The following HMGA2 variants were observed in gnomAD, a reference collection of about 807,000 sequenced individuals.
HMGA2 encodes the protein high mobility group AT-hook 2.
HMGA2 carries 8 observed loss-of-function variants against 19.1 expected under a neutral mutation model. That is an observed-to-expected ratio of 0.42 (90% confidence interval 0.25 to 0.76). HMGA2 has a LOEUF of 0.76. HMGA2 is among the 30% of genes least tolerant of loss of function. The pLI is 0.28. For missense variants in HMGA2, 109 were observed against 136.3 expected (o/e 0.80, Z 1.00); for synonymous variants, 60 against 48.8 (o/e 1.23, Z -0.96).
chr12:65,838,708 G>T, intron 3 of HMGA2, 139 bp downstream of exon 3: 1 of 684,318 alleles, frequency 1.5e-6, no homozygotes. Context: ...TAAGTCAAGA[G>T]ACAAATTATC....
At chr12:65,922,596 G>A (rs914419433) in intron 3 of HMGA2, among the ~76,000 whole-genome samples, 11 of 152,078 alleles carry the variant, frequency 7.2e-5, no homozygotes, top group African/African-American at 2.7e-4. Flanking sequence ...ATTAGACTTT[G>A]GACTGTGAAT....
chr12:65,913,206 T>C (rs1874920020), intron 3 of HMGA2, among the ~76,000 whole-genome samples: 2 of 152,198 alleles, frequency 1.3e-5, no homozygotes, highest in South Asian at 4.2e-4. Flanking sequence ...GTGCTATTTT[T>C]TCCTTCTGCC....
chr12:65,894,569 C>G (rs753488383), intron 3 of HMGA2, among the ~76,000 whole-genome samples: 15 of 152,076 alleles, frequency 9.9e-5, no homozygotes, highest in Middle Eastern at 3.2e-3. Flanking sequence ...AATAATAAAG[C>G]TTTTTCAGTC....
chr12:65,927,088 C>G (rs142931890), intron 3 of HMGA2, among the ~76,000 whole-genome samples: 1 of 152,150 alleles, frequency 6.6e-6, no homozygotes, highest in Non-Finnish European at 1.5e-5. Context: ...TTTCAACACA[C>G]GGGAGTTTTA....
At chr12:65,917,426 CTGGT>C (rs1875144148) in intron 3 of HMGA2, among the ~76,000 whole-genome samples, 1 of 152,176 alleles carries the variant, frequency 6.6e-6, no homozygotes, top group Non-Finnish European at 1.5e-5. Flanking sequence ...TAATCTGGAT[CTGGT>C]CTGGATTGTT....
chr12:65,915,728 T>C (rs1182808190), intron 3 of HMGA2, among the ~76,000 whole-genome samples: 1 of 152,192 alleles, frequency 6.6e-6, no homozygotes, highest in Non-Finnish European at 1.5e-5. Flanking sequence ...TGACTTACAT[T>C]TTTTTGTTTT....
intron 3 of HMGA2, among the ~76,000 whole-genome samples, chr12:65,887,989 T>C (rs2121125583): frequency 6.6e-6 from 1 of 152,202 alleles, no homozygotes; most frequent in South Asian, 2.1e-4. Context: ...CATTAAGTTT[T>C]CTATTAGAAT....
intron 3 of HMGA2, among the ~76,000 whole-genome samples, chr12:65,888,470 G>T (rs890079064): frequency 7.4e-6 from 1 of 135,930 alleles, no homozygotes; most frequent in African/African-American, 2.7e-5. Flanking sequence ...AAAAAAGAAA[G>T]AAAAGAAAAG....
At chr12:65,945,252 A>G (rs1370272754) in intron 3 of HMGA2, among the ~76,000 whole-genome samples, 2 of 151,948 alleles carry the variant, frequency 1.3e-5, no homozygotes, top group Non-Finnish European at 2.9e-5. Context: ...AAAAAAAATG[A>G]TTCAAAGCCT....
intron 3 of HMGA2, among the ~76,000 whole-genome samples, chr12:65,851,029 A>G (rs576609809): frequency 6.6e-6 from 1 of 152,260 alleles, no homozygotes; most frequent in African/African-American, 2.4e-5. Flanking sequence ...ATATCTTCCT[A>G]CTTGGGGTAC....
chr12:65,943,179 C>A (rs1876148110), intron 3 of HMGA2, among the ~76,000 whole-genome samples: 3 of 152,128 alleles, frequency 2.0e-5, no homozygotes, highest in Admixed American at 6.5e-5. Context: ...TTTTCTACAC[C>A]CAGTTCCTGC....
chr12:65,852,797 G>A (rs922646666), intron 3 of HMGA2, among the ~76,000 whole-genome samples: 1 of 152,168 alleles, frequency 6.6e-6, no homozygotes, highest in Non-Finnish European at 1.5e-5. Flanking sequence ...GTTGGGTGAG[G>A]TTAAGAGAGT....
At chr12:65,867,685 C>T (rs1488274175) in intron 3 of HMGA2, 1 of 240,632 alleles carries the variant, frequency 4.2e-6, no homozygotes, top group East Asian at 8.4e-5. Context: ...TTAGTCAGAG[C>T]CGTAAGGCTG....
At chr12:65,916,266 A>G (rs1875097146) in intron 3 of HMGA2, among the ~76,000 whole-genome samples, 1 of 152,216 alleles carries the variant, frequency 6.6e-6, no homozygotes, top group Admixed American at 6.5e-5. Context: ...AAGGAGGTAG[A>G]AGAATACTTT....
At chr12:65,832,516 A>T (rs1262288003) in intron 2 of HMGA2, among the ~76,000 whole-genome samples, 2 of 151,968 alleles carry the variant, frequency 1.3e-5, no homozygotes, top group African/African-American at 2.4e-5. Context: ...CTTTCTTGAG[A>T]ATAGATGGGT....
At chr12:65,896,743 G>T (rs775983432) in intron 3 of HMGA2, among the ~76,000 whole-genome samples, 1 of 151,506 alleles carries the variant, frequency 6.6e-6, no homozygotes, top group East Asian at 1.9e-4. Context: ...CTGCGGGGAG[G>T]TCTGTGTTTT....
chr12:65,870,445 C>T (rs1411459373), intron 3 of HMGA2, among the ~76,000 whole-genome samples: 1 of 152,116 alleles, frequency 6.6e-6, no homozygotes, highest in Non-Finnish European at 1.5e-5. Flanking sequence ...AATAGAACAG[C>T]TGGGGGCAGG....
chr12:65,889,877 G>A (rs1426579156), intron 3 of HMGA2, among the ~76,000 whole-genome samples: 1 of 152,086 alleles, frequency 6.6e-6, no homozygotes, highest in African/African-American at 2.4e-5. Flanking sequence ...GTACTGTTTT[G>A]CTTCCTATTT....
intron 4 of HMGA2, chr12:65,955,430 AGTTT>A (rs1477796592): frequency 1.3e-5 from 2 of 152,160 alleles, no homozygotes; most frequent in Non-Finnish European, 2.9e-5. Flanking sequence ...AAGTTTCGCT[AGTTT>A]ATCAGGTATT....
Sources: gnomAD v4.1 joint callset for allele counts (sites outside exome capture counted in the v4.1 genomes callset) on GRCh38, gnomAD v4.1.1 for gene constraint, MANE v1.5 for transcripts, NCBI Gene and HGNC (gene_info 2026-07-23, HGNC 2026-07-21) for gene names.